ATP10B: variants seen among roughly 807,000 people sequenced by gnomAD.
The protein encoded by ATP10B is phospholipid-transporting ATPase VB.
ATP10B carries 122 observed loss-of-function variants against 141.2 expected under a neutral mutation model. The observed-to-expected ratio is 0.86, with a 90% confidence interval of 0.75 to 1.00. The LOEUF is 1.00. Ranked by LOEUF, ATP10B falls within the 50% of genes least tolerant of loss-of-function variation. The pLI, the probability that ATP10B is intolerant of heterozygous loss-of-function variation, is 0.00. For synonymous variants in ATP10B, 685 were observed against 692.0 expected (o/e 0.99, Z 0.16); for missense variants, 1,876 against 1,825.3 (o/e 1.03, Z -0.51).
At chr5:160,873,100 G>A in the ATP10B span, among the ~76,000 whole-genome samples, 3 of 138,390 alleles carry the variant, frequency 2.2e-5, no homozygotes, top group Non-Finnish European at 4.6e-5. Context: ...TCTTTGGTTA[G>A]GTATATTCCT....
At chr5:160,780,066 T>C (rs1003343523) in intron 2 of ATP10B, among the ~76,000 whole-genome samples, 1 of 152,198 alleles carries the variant, frequency 6.6e-6, no homozygotes, top group African/African-American at 2.4e-5. Context: ...ATTCCTTTAA[T>C]GGGAGACAAA....
the ATP10B span, among the ~76,000 whole-genome samples, chr5:160,923,575 C>T: frequency 9.0e-4 from 137 of 152,278 alleles, no homozygotes; most frequent in African/African-American, 2.9e-3. Flanking sequence ...TGCATTTATT[C>T]GTGATCACAC....
chr5:160,814,359 T>A (rs977562444), intron 1 of ATP10B, among the ~76,000 whole-genome samples: 5 of 152,226 alleles, frequency 3.3e-5, no homozygotes, highest in Non-Finnish European at 7.3e-5. Context: ...AGTAGCCGAT[T>A]CGATCAACTG....
At chr5:160,834,529 T>C (rs1775298578) in intron 1 of ATP10B, among the ~76,000 whole-genome samples, 1 of 152,080 alleles carries the variant, frequency 6.6e-6, no homozygotes, top group Admixed American at 6.6e-5. Flanking sequence ...GATGTGCCTT[T>C]TTCAGGGCAA....
intron 1 of ATP10B, among the ~76,000 whole-genome samples, chr5:160,849,054 G>A (rs1380713970): frequency 6.6e-6 from 1 of 152,168 alleles, no homozygotes; most frequent in Non-Finnish European, 1.5e-5. Context: ...AGGGCCTGAG[G>A]TTTTGCCCTT....
chr5:160,830,991 A>ACAGT (rs1554122997), intron 1 of ATP10B, among the ~76,000 whole-genome samples: 1 of 150,686 alleles, frequency 6.6e-6, no homozygotes, highest in Non-Finnish European at 1.5e-5. Context: ...ACACACACAC[A>ACAGT]CACACACAGA....
chr5:160,844,273 A>C (rs901712163), intron 1 of ATP10B, among the ~76,000 whole-genome samples: 2 of 152,180 alleles, frequency 1.3e-5, no homozygotes, highest in African/African-American at 4.8e-5. Flanking sequence ...CATTCTTCAT[A>C]ATTGCCCCAA....
the ATP10B span, among the ~76,000 whole-genome samples, chr5:160,860,122 A>G: frequency 2.6e-5 from 4 of 152,014 alleles, no homozygotes; most frequent in East Asian, 7.8e-4. Flanking sequence ...ACGATATTCA[A>G]TTGTCTGCCC....
Position 160,565,463 on chromosome 5 carries a change from A to G in ATP10B, c.4376T>C (p.Leu1459Pro). 6.2e-7 allele frequency: 1 copy of G among 1,614,050 alleles called. No individual in the cohort carries two copies. Among genetic ancestry groups the G allele is most frequent in the Middle Eastern group, 1.7e-4 (1 of 6,058 alleles). The stretch of plus-strand genomic sequence containing the variant: ...GATTTCTGCAGCTCCTCATATGGTC[A>G]GTGAACTCTGGGATCGGCGATGGCT... ...RSSHRRSQSS[L>P]TI Residue 1459 changes from leucine (L) to proline (P), a missense_variant, in exon 26 of 26, where the codon CTG (leucine) becomes CCG (proline). Physicochemically the swap from Leu to Pro is moderately conservative, Grantham distance 98. Transcript: ENST00000327245.
chr5:160,820,139 T>C (rs1356706634), intron 1 of ATP10B, among the ~76,000 whole-genome samples: 1 of 131,064 alleles, frequency 7.6e-6, no homozygotes, highest in Non-Finnish European at 1.8e-5. Context: ...TTTAGTGAGA[T>C]TAATGAAAAA....
intron 2 of ATP10B, among the ~76,000 whole-genome samples, chr5:160,747,142 T>C (rs1213073717): frequency 6.6e-6 from 1 of 152,238 alleles, no homozygotes; most frequent in Non-Finnish European, 1.5e-5. Context: ...TTTTTGCTCT[T>C]ATCCAGGGCA....
At chr5:160,653,765 AATATATAC>A (rs1413484344) in intron 7 of ATP10B, among the ~76,000 whole-genome samples, 13 of 105,150 alleles carry the variant, frequency 1.2e-4, no homozygotes, top group Admixed American at 1.1e-3. Context: ...AAATATATAT[AATATATAC>A]ATATATACAT....
At chr5:160,733,502 T>C (rs1476697196) in intron 2 of ATP10B, among the ~76,000 whole-genome samples, 1 of 152,002 alleles carries the variant, frequency 6.6e-6, no homozygotes, top group Non-Finnish European at 1.5e-5. Context: ...CATAGGCACA[T>C]AGATGTGCTA....
At chr5:160,929,076 T>G in the ATP10B span, among the ~76,000 whole-genome samples, 6 of 152,158 alleles carry the variant, frequency 3.9e-5, no homozygotes, top group Non-Finnish European at 1.5e-5. Flanking sequence ...GAAAACAGCT[T>G]GTAGCCCCAG....
In ATP10B at chr5:160,817,667, C is replaced by T. The variant is rs189653494; in HGVS notation, c.-575-31864G>A. 3.4e-3 allele frequency among the ~76,000 whole-genome samples: 511 copies of T among 152,192 alleles called. 1 individual carries two copies. The highest frequency in any genetic ancestry group is 0.012 in the African/African-American group (483 of 41,528). ...AAACTACTTTAAAGTTCATATGGAA[C>T]CAAAAAAGAGCCCGCATTGCCAAGT... is the stretch of plus-strand genomic sequence containing the variant. On this transcript the variant is annotated intron_variant, in intron 1 of 25. Coordinates refer to ENST00000327245, the MANE Select transcript of ATP10B (RefSeq NM_025153.3).
the ATP10B span, among the ~76,000 whole-genome samples, chr5:160,903,056 T>A: frequency 6.6e-6 from 1 of 152,186 alleles, no homozygotes; most frequent in East Asian, 1.9e-4. Context: ...TAATATTAAC[T>A]GTTAACAACA....
At chr5:160,795,309 C>T (rs1233928004) in intron 1 of ATP10B, among the ~76,000 whole-genome samples, 1 of 152,150 alleles carries the variant, frequency 6.6e-6, no homozygotes, top group African/African-American at 2.4e-5. Context: ...AGGAAATTCC[C>T]ACATTATCAT....
intron 6 of ATP10B, among the ~76,000 whole-genome samples, chr5:160,678,476 T>C (rs1019136086): frequency 1.3e-5 from 2 of 152,078 alleles, no homozygotes; most frequent in African/African-American, 4.8e-5. Context: ...TTGGTCAATA[T>C]AGTGAAACCC....
At chr5:160,839,596 CTTATAGTAATTACAACATAAGATG>C (rs1308324483) in intron 1 of ATP10B, among the ~76,000 whole-genome samples, 1 of 152,006 alleles carries the variant, frequency 6.6e-6, no homozygotes, top group African/African-American at 2.4e-5. Flanking sequence ...AAATATAGTG[CTTATAGTAATTACAACATAAGATG>C]AGAGGCTTGG....
Sources: gnomAD v4.1 joint callset for allele counts (sites outside exome capture counted in the v4.1 genomes callset) on GRCh38, gnomAD v4.1.1 for gene constraint, MANE v1.5 for transcripts, NCBI Gene and HGNC (gene_info 2026-07-23, HGNC 2026-07-21) for gene names.